The following FBXL17 variants were observed in gnomAD, a reference collection of about 807,000 sequenced individuals.
FBXL17 encodes F-box and leucine rich repeat protein 17.
FBXL17 carries 22 observed loss-of-function variants against 66.2 expected under a neutral mutation model. That is an observed-to-expected ratio of 0.33 (90% CI 0.24 to 0.47). The LOEUF is 0.47. Among genes scored for constraint, FBXL17 ranks in the 20% least tolerant of loss-of-function variants. The pLI is 1.00. For missense variants in FBXL17, 878 were observed against 948.2 expected, an observed-to-expected ratio of 0.93 and a Z score of 0.97; for synonymous variants, 474 against 400.5, an observed-to-expected ratio of 1.18 and a Z score of -2.19.
At chr5:107,946,256 TATATATATATATATATATATATATA>T (rs1423033969) in intron 7 of FBXL17, among the ~76,000 whole-genome samples, 1 of 16,478 alleles carries the variant, frequency 6.1e-5, no homozygotes, top group African/African-American at 2.8e-4. Context: ...AATCTCATTT[TATATATATATATATATATATATATA>T]TATATATATA....
chr5:107,991,025 G>C (rs1561355764), intron 7 of FBXL17, among the ~76,000 whole-genome samples: 1 of 151,982 alleles, frequency 6.6e-6, no homozygotes, highest in Non-Finnish European at 1.5e-5. Flanking sequence ...GCTAGTTACA[G>C]ACATAAACGC....
At chr5:107,964,737 C>A (rs1421151022) in intron 7 of FBXL17, among the ~76,000 whole-genome samples, 1 of 152,126 alleles carries the variant, frequency 6.6e-6, no homozygotes, top group Admixed American at 6.6e-5. Context: ...CCCAGGTATA[C>A]AAATCACAAC....
intron 6 of FBXL17, among the ~76,000 whole-genome samples, chr5:108,182,288 G>A (rs1374123565): frequency 6.6e-6 from 1 of 152,192 alleles, no homozygotes; most frequent in Non-Finnish European, 1.5e-5. Flanking sequence ...GTGCATTCCA[G>A]TGCCCTCTAT....
chr5:108,029,378 C>G (rs1294164582), intron 6 of FBXL17, among the ~76,000 whole-genome samples: 1 of 152,104 alleles, frequency 6.6e-6, no homozygotes, highest in Non-Finnish European at 1.5e-5. Context: ...ATAAATTTGA[C>G]ACTATTGATA....
intron 7 of FBXL17, among the ~76,000 whole-genome samples, chr5:107,969,031 C>G (rs1752259661): frequency 6.6e-6 from 1 of 152,152 alleles, no homozygotes; most frequent in African/African-American, 2.4e-5. Flanking sequence ...ATTCAACCTA[C>G]TGCCTGTTTG....
intron 4 of FBXL17, among the ~76,000 whole-genome samples, chr5:108,310,454 T>C (rs1211968629): frequency 6.6e-6 from 1 of 152,206 alleles, no homozygotes; most frequent in East Asian, 1.9e-4. Context: ...TTCTACTTAA[T>C]GATCCCGTCA....
chr5:107,942,953 A>G (rs1457103930), intron 7 of FBXL17, among the ~76,000 whole-genome samples: 2 of 151,634 alleles, frequency 1.3e-5, no homozygotes, highest in African/African-American at 2.4e-5. Context: ...TACAATGGAC[A>G]CTTTTCAGGT....
intron 6 of FBXL17, among the ~76,000 whole-genome samples, chr5:108,075,311 TCTAA>T (rs1472122242): frequency 3.7e-4 from 56 of 152,344 alleles, no homozygotes; most frequent in African/African-American, 9.6e-4. Flanking sequence ...TTTATCTTCC[TCTAA>T]CTAACACAAA....
At chr5:108,074,076 C>T (rs1320053303) in intron 6 of FBXL17, among the ~76,000 whole-genome samples, 2 of 152,128 alleles carry the variant, frequency 1.3e-5, no homozygotes, top group Non-Finnish European at 2.9e-5. Flanking sequence ...ATGTTCTGAG[C>T]CCCCATTCTT....
At chr5:108,223,478 T>C (rs763759573) in intron 5 of FBXL17, among the ~76,000 whole-genome samples, 5 of 139,362 alleles carry the variant, frequency 3.6e-5, no homozygotes, top group African/African-American at 6.8e-5. Context: ...AGATAACACA[T>C]AGGTAAATTT....
chr5:108,088,542 A>C (rs1185263370), intron 6 of FBXL17, among the ~76,000 whole-genome samples: 2 of 151,860 alleles, frequency 1.3e-5, no homozygotes, highest in Non-Finnish European at 2.9e-5. Context: ...TCTACTAAAA[A>C]TGCAAAAAAT....
At chr5:108,064,935 ATTTAAT>A (rs2112851280) in intron 6 of FBXL17, among the ~76,000 whole-genome samples, 1 of 152,138 alleles carries the variant, frequency 6.6e-6, no homozygotes, top group East Asian at 1.9e-4. Context: ...AGCTTTTTAA[ATTTAAT>A]TTTAATATTA....
At chr5:108,375,715 A>C (rs1377213397) in intron 1 of FBXL17, among the ~76,000 whole-genome samples, 1 of 152,196 alleles carries the variant, frequency 6.6e-6, no homozygotes. Context: ...AATGAACACC[A>C]ATCTATCTTA....
chr5:108,252,319 T>A (rs1756392572), intron 4 of FBXL17, among the ~76,000 whole-genome samples: 1 of 152,086 alleles, frequency 6.6e-6, no homozygotes, highest in Non-Finnish European at 1.5e-5. Flanking sequence ...TTAAGTGTAT[T>A]CAGAGCAATT....
intron 7 of FBXL17, among the ~76,000 whole-genome samples, chr5:107,927,973 T>C (rs1750588238): frequency 5.9e-5 from 9 of 152,062 alleles, no homozygotes; most frequent in Admixed American, 5.9e-4. Context: ...GAATGGCAAA[T>C]GATATTTAAA....
At chr5:108,344,194 C>T (rs1340104435) in intron 4 of FBXL17, among the ~76,000 whole-genome samples, 2 of 152,114 alleles carry the variant, frequency 1.3e-5, no homozygotes, top group Non-Finnish European at 2.9e-5. Flanking sequence ...GGGGGAAAGC[C>T]TGGAGAGGTG....
intron 1 of FBXL17, among the ~76,000 whole-genome samples, chr5:108,379,528 C>T (rs998005122): frequency 2.0e-5 from 3 of 152,146 alleles, no homozygotes; most frequent in Non-Finnish European, 4.4e-5. Context: ...GACCCAAACA[C>T]ACAGTACTGT....
intron 4 of FBXL17, among the ~76,000 whole-genome samples, chr5:108,297,559 T>G (rs545468930): frequency 6.6e-6 from 1 of 151,636 alleles, no homozygotes; most frequent in African/African-American, 2.4e-5. Flanking sequence ...AAACATCACA[T>G]TAACTGTTTA....
chr5:108,303,389 CACACACAT>C (rs768414104), intron 4 of FBXL17, among the ~76,000 whole-genome samples: 25 of 147,738 alleles, frequency 1.7e-4, no homozygotes, highest in East Asian at 5.9e-4. Context: ...CACACACACA[CACACACAT>C]ACCCACACAC....
Sources: allele counts gnomAD v4.1 joint callset (sites outside exome capture counted in the v4.1 genomes callset), GRCh38; gene constraint gnomAD v4.1.1; transcripts MANE v1.5; gene names NCBI Gene and HGNC (gene_info 2026-07-23, HGNC 2026-07-21).